Variants in DLG2 observed in about 807,000 individuals in gnomAD.
The protein encoded by DLG2 is discs large MAGUK scaffold protein 2, also known as disks large homolog 2.
A neutral mutation model predicts 132.5 loss-of-function variants in DLG2; 45 were observed. The ratio of observed to expected loss-of-function variants is 0.34; its 90% CI spans 0.27 to 0.44. The LOEUF (loss-of-function observed/expected upper bound fraction) is 0.44. DLG2 is among the 20% of genes least tolerant of loss of function. The probability of loss-of-function intolerance (pLI) is 1.00; values close to 1 mark genes in which losing one functional copy is unlikely to be tolerated. For synonymous variants in DLG2, 424 were observed against 419.6 expected (o/e 1.01, Z -0.13); for missense variants, 1,045 against 1,196.9 (o/e 0.87, Z 1.87).
chr11:84,760,127 T>C (rs1565891935), intron 6 of DLG2, among the ~76,000 whole-genome samples: 1 of 152,218 alleles, frequency 6.6e-6, no homozygotes, highest in Non-Finnish European at 1.5e-5. Context: ...ATCTCATCAA[T>C]TTCTTCTCTT....
intron 3 of DLG2, among the ~76,000 whole-genome samples, chr11:85,504,959 A>G (rs927347746): frequency 4.6e-5 from 7 of 151,982 alleles, no homozygotes; most frequent in Non-Finnish European, 8.8e-5. Flanking sequence ...TAGGTATTTT[A>G]TTCTCTTTGA....
rs140527450 is a variant in DLG2, at chr11:85,107,577, G to C, written c.357+4084C>G. Among the ~76,000 whole-genome samples the C allele has an allele frequency of 2.0e-5, 3 of 152,092 alleles. No homozygotes were observed. The East Asian group carries it at 5.8e-4, about 30-fold the overall frequency. Reference sequence around the variant, plus strand: ...AGCCTAGTTCACCCAGATTCAGAGAGCTATCATTCTTCAGCTGAGTCCTAG... The same window carrying C: ...AGCCTAGTTCACCCAGATTCAGAGACCTATCATTCTTCAGCTGAGTCCTAG... On this transcript the variant is annotated intron_variant, in intron 6 of 27. Transcript: ENST00000376104.
chr11:83,712,771 T>C (rs1007188565), intron 18 of DLG2, among the ~76,000 whole-genome samples: 10 of 152,086 alleles, frequency 6.6e-5, no homozygotes, highest in Non-Finnish European at 1.2e-4. Context: ...TGAGAATACA[T>C]GGACACACAG....
At chr11:84,708,796 G>C (rs538952469) in intron 6 of DLG2, among the ~76,000 whole-genome samples, 12 of 151,856 alleles carry the variant, frequency 7.9e-5, no homozygotes, top group Non-Finnish European at 1.8e-4. Context: ...CAAGTACAGA[G>C]AGAAAATGTC....
chr11:85,391,596 A>T (rs762684057), intron 3 of DLG2, among the ~76,000 whole-genome samples: 3 of 152,186 alleles, frequency 2.0e-5, no homozygotes, highest in Non-Finnish European at 4.4e-5. Context: ...ACCATGATCA[A>T]GTGGATTTCA....
intron 7 of DLG2, among the ~76,000 whole-genome samples, chr11:84,392,902 T>C (rs1365786631): frequency 6.6e-6 from 1 of 152,208 alleles, no homozygotes; most frequent in Non-Finnish European, 1.5e-5. Flanking sequence ...TAAACTTTTT[T>C]AACATAGCAT....
At chr11:84,623,440 G>GCT (rs2099617215) in intron 6 of DLG2, among the ~76,000 whole-genome samples, 1 of 152,092 alleles carries the variant, frequency 6.6e-6, no homozygotes, top group Admixed American at 6.6e-5. Flanking sequence ...GCACTTTCTA[G>GCT]CTTGTATAAC....
chr11:85,351,075 T>C (rs1026582458), intron 3 of DLG2, among the ~76,000 whole-genome samples: 1 of 152,196 alleles, frequency 6.6e-6, no homozygotes, highest in African/African-American at 2.4e-5. Context: ...TGTGTCCTCT[T>C]TTATTTCGTT....
At chr11:83,931,860 T>C (rs562152213) in intron 14 of DLG2, among the ~76,000 whole-genome samples, 203 of 152,348 alleles carry the variant, frequency 1.3e-3, no homozygotes, top group African/African-American at 4.8e-3. Flanking sequence ...GGTTTCATAG[T>C]GGACTGATAT....
At chr11:84,571,210 C>G (rs1326528897) in intron 6 of DLG2, among the ~76,000 whole-genome samples, 1 of 151,898 alleles carries the variant, frequency 6.6e-6, no homozygotes, top group Non-Finnish European at 1.5e-5. Flanking sequence ...CCTCTCACTC[C>G]CCTACCTCCT....
intron 18 of DLG2, chr11:83,647,565 T>A (rs988013852): frequency 6.6e-6 from 1 of 152,186 alleles, no homozygotes; most frequent in East Asian, 1.9e-4. Context: ...CCTTCCAGGA[T>A]TCTGCACATC....
At chr11:83,544,425 G>A (rs996418362) in intron 19 of DLG2, among the ~76,000 whole-genome samples, 3 of 152,118 alleles carry the variant, frequency 2.0e-5, no homozygotes, top group African/African-American at 4.8e-5. Context: ...GACAGACATA[G>A]TACTATCCTC....
intron 3 of DLG2, among the ~76,000 whole-genome samples, chr11:85,451,083 CAT>C (rs2092224169): frequency 6.6e-6 from 1 of 152,142 alleles, no homozygotes; most frequent in African/African-American, 2.4e-5. Context: ...TAACTACCTA[CAT>C]GTCTGCCTGT....
intron 7 of DLG2, among the ~76,000 whole-genome samples, chr11:84,391,323 A>G (rs1282321702): frequency 1.3e-5 from 2 of 152,228 alleles, no homozygotes; most frequent in Non-Finnish European, 2.9e-5. Flanking sequence ...GAAATATTTG[A>G]TTGGATGATA....
intron 6 of DLG2, among the ~76,000 whole-genome samples, chr11:84,822,015 C>A (rs563551657): frequency 1.4e-4 from 22 of 151,842 alleles, no homozygotes; most frequent in African/African-American, 4.8e-4. Context: ...ATTAGATGTG[C>A]TACATACTGG....
intron 4 of DLG2, among the ~76,000 whole-genome samples, chr11:85,158,027 A>G (rs189256193): frequency 1.8e-4 from 27 of 152,134 alleles, no homozygotes; most frequent in Admixed American, 1.2e-3. Context: ...TCTCCTCAGG[A>G]GCCACCCCCA....
chr11:84,852,295 G>A (rs915178436), intron 6 of DLG2, among the ~76,000 whole-genome samples: 6 of 151,992 alleles, frequency 3.9e-5, no homozygotes, highest in Non-Finnish European at 5.9e-5. Context: ...ACAATCCAAG[G>A]AAAGTGCACC....
At chr11:85,369,912 G>C (rs1293182990) in intron 3 of DLG2, among the ~76,000 whole-genome samples, 1 of 152,184 alleles carries the variant, frequency 6.6e-6, no homozygotes, top group East Asian at 1.9e-4. Context: ...TACCTTTCAG[G>C]TCACATGACT....
chr11:84,985,974 G>A (rs576585294), intron 6 of DLG2, among the ~76,000 whole-genome samples: 34 of 110,588 alleles, frequency 3.1e-4, no homozygotes, highest in South Asian at 2.6e-3. Flanking sequence ...CCTGGGCAAC[G>A]GAGCAAGACT....
Sources: allele counts gnomAD v4.1 joint callset (sites outside exome capture counted in the v4.1 genomes callset), GRCh38; gene constraint gnomAD v4.1.1; transcripts MANE v1.5; gene names NCBI Gene and HGNC (gene_info 2026-07-23, HGNC 2026-07-21).